PIBF1: variants seen among roughly 807,000 people sequenced by gnomAD.
PIBF1 encodes progesterone immunomodulatory binding factor 1.
A neutral mutation model predicts 112.5 loss-of-function variants in PIBF1; 90 were observed. The ratio of observed to expected loss-of-function variants is 0.80; its 90% confidence interval spans 0.67 to 0.95. The LOEUF is 0.95. Ranked by LOEUF, PIBF1 falls within the 40% of genes least tolerant of loss-of-function variation. PIBF1 has a pLI of 0.00. For synonymous variants in PIBF1, 301 were observed against 288.6 expected, an observed-to-expected ratio of 1.04 and a Z score of -0.44; for missense variants, 915 against 852.3, an observed-to-expected ratio of 1.07 and a Z score of -0.92.
chr13:72,989,557 A>G (rs1436079641), intron 16 of PIBF1, among the ~76,000 whole-genome samples: 3 of 152,214 alleles, frequency 2.0e-5, no homozygotes, highest in Non-Finnish European at 4.4e-5. Context: ...AAGTAGATTG[A>G]TTAGTGACAG....
At chr13:72,937,792 G>A (rs1180242476) in intron 14 of PIBF1, among the ~76,000 whole-genome samples, 2 of 152,072 alleles carry the variant, frequency 1.3e-5, no homozygotes, top group Non-Finnish European at 2.9e-5. Context: ...TCCAGCCTGG[G>A]CGAAAGAGTG....
intron 5 of PIBF1, among the ~76,000 whole-genome samples, chr13:72,819,132 T>C (rs2036427500): frequency 6.6e-6 from 1 of 152,046 alleles, no homozygotes; most frequent in South Asian, 2.1e-4. Context: ...GATGGGAAAA[T>C]CATATGCCTC....
chr13:72,979,956 A>G (rs2043116433), intron 16 of PIBF1, among the ~76,000 whole-genome samples: 1 of 152,108 alleles, frequency 6.6e-6, no homozygotes, highest in Non-Finnish European at 1.5e-5. Flanking sequence ...AAGAAGCATA[A>G]TCACGGTCCT....
chr13:72,995,565 T>C (rs911343334), intron 16 of PIBF1, among the ~76,000 whole-genome samples: 1 of 152,188 alleles, frequency 6.6e-6, no homozygotes, highest in Non-Finnish European at 1.5e-5. Flanking sequence ...GATGTTGTTA[T>C]AGGAGAGCCA....
At chr13:72,893,554 A>AAAGAATG (rs1315526072) in intron 10 of PIBF1, among the ~76,000 whole-genome samples, 2 of 152,158 alleles carry the variant, frequency 1.3e-5, no homozygotes, top group Admixed American at 6.5e-5. Flanking sequence ...TTTTGGCTAG[A>AAAGAATG]AAGAATGAAA....
intron 10 of PIBF1, among the ~76,000 whole-genome samples, chr13:72,857,084 AT>A (rs1456333832): frequency 6.6e-6 from 1 of 152,172 alleles, no homozygotes; most frequent in African/African-American, 2.4e-5. Flanking sequence ...TACCAAAAAT[AT>A]TTTTTTGAAA....
At chr13:72,872,064 TC>T (rs1322580989) in intron 10 of PIBF1, among the ~76,000 whole-genome samples, 1 of 152,180 alleles carries the variant, frequency 6.6e-6, no homozygotes, top group Non-Finnish European at 1.5e-5. Flanking sequence ...GCTCTATTGT[TC>T]CTGGGTGCAT....
intron 11 of PIBF1, among the ~76,000 whole-genome samples, chr13:72,897,688 T>G (rs2040334418): frequency 2.0e-5 from 3 of 152,108 alleles, no homozygotes; most frequent in Admixed American, 1.3e-4. Flanking sequence ...AAAAAAAACT[T>G]TAAAGCAACA....
At chr13:72,855,421 G>A (rs901381847) in intron 10 of PIBF1, among the ~76,000 whole-genome samples, 2 of 152,106 alleles carry the variant, frequency 1.3e-5, no homozygotes, top group Admixed American at 1.3e-4. Flanking sequence ...GGCTGAGGCA[G>A]GTGGATAACT....
intron 15 of PIBF1, among the ~76,000 whole-genome samples, chr13:72,972,000 T>TTGCA (rs2042903886): frequency 1.4e-5 from 2 of 138,872 alleles, no homozygotes; most frequent in African/African-American, 2.7e-5. Context: ...GATTAGTGGC[T>TTGCA]TTCATTTATT....
Position 72,835,366 on chromosome 13 carries a change from C to G in PIBF1, c.1221C>G (p.Asn407Lys). Residue 407 changes from asparagine (N) to lysine (K), a missense_variant and splice_region_variant, in exon 9 of 18, where the codon AAC becomes AAG. By Grantham distance (94) the Asn-to-Lys change is moderately conservative. Transcript: ENST00000326291. Reference protein sequence around the residue: ...NASREMYERENRNLREARDNA... With the variant: ...NASREMYEREKRNLREARDNA... ...CTAGGGAAATGTATGAACGAGAAAA[C>G]AGGTAAAAAAAAAAAAATGCTTGTA... 1 of 1,531,844 alleles carries G rather than the reference C, an allele frequency of 6.5e-7. No individual in the cohort carries two copies. Among genetic ancestry groups the G allele is most frequent in the Non-Finnish European group, 8.7e-7 (1 of 1,148,530 alleles). 94.9% of individuals were successfully genotyped at this position (1,531,844 alleles called of 1,614,324 possible).
chr13:72,784,999 C>T (rs1346255906), intron 2 of PIBF1, among the ~76,000 whole-genome samples: 2 of 152,048 alleles, frequency 1.3e-5, no homozygotes, highest in African/African-American at 2.4e-5. Flanking sequence ...CAGTCTCCCA[C>T]GTAGCTGGGA....
intron 11 of PIBF1, among the ~76,000 whole-genome samples, chr13:72,895,964 A>T (rs561274111): frequency 1.4e-4 from 22 of 152,246 alleles, no homozygotes; most frequent in Admixed American, 4.6e-4. Flanking sequence ...CCAGCCCTTC[A>T]GTTTTCGTGG....
At chr13:72,904,411 T>TATCCAA (rs531827362) in intron 11 of PIBF1, among the ~76,000 whole-genome samples, 124 of 144,848 alleles carry the variant, frequency 8.6e-4, no homozygotes, top group Non-Finnish European at 1.2e-3. Flanking sequence ...ATTTGTCATT[T>TATCCAA]ATCCAAAATA....
intron 13 of PIBF1, among the ~76,000 whole-genome samples, chr13:72,928,790 C>T (rs9573066): frequency 0.27 from 41,335 of 152,020 alleles, 6,792 homozygotes; most frequent in East Asian, 0.47. Context: ...TATTGGTAAG[C>T]GGTATCACCC....
At chr13:72,830,294 C>T (rs1354383613) in intron 8 of PIBF1, among the ~76,000 whole-genome samples, 1 of 152,092 alleles carries the variant, frequency 6.6e-6, no homozygotes, top group African/African-American at 2.4e-5. Context: ...TTGCCCTGGC[C>T]AGAACTTCCA....
At chr13:72,782,868 T>C (rs2034357042) in intron 1 of PIBF1, among the ~76,000 whole-genome samples, 1 of 135,976 alleles carries the variant, frequency 7.4e-6, no homozygotes, top group East Asian at 2.1e-4. Flanking sequence ...GTCTTGATCG[T>C]TAAGGGCGTG....
At chr13:72,852,857 C>T (rs988250899) in intron 9 of PIBF1, among the ~76,000 whole-genome samples, 4 of 152,070 alleles carry the variant, frequency 2.6e-5, no homozygotes, top group African/African-American at 4.8e-5. Flanking sequence ...AAAGCCCTGG[C>T]TTTGGAGTAA....
intron 10 of PIBF1, among the ~76,000 whole-genome samples, chr13:72,863,152 A>G (rs9543145): frequency 0.74 from 112,402 of 151,240 alleles, 42,134 homozygotes; most frequent in African/African-American, 0.82. Context: ...TACCAGAGGG[A>G]GGAAAAAGAT....
Sources: allele counts gnomAD v4.1 joint callset (sites outside exome capture counted in the v4.1 genomes callset), GRCh38; gene constraint gnomAD v4.1.1; transcripts MANE v1.5; gene names NCBI Gene and HGNC (gene_info 2026-07-23, HGNC 2026-07-21).